Variants in AGAP1 observed in about 807,000 individuals in gnomAD.
AGAP1 encodes ArfGAP with GTPase domain, ankyrin repeat and PH domain 1.
A neutral mutation model predicts 105.3 loss-of-function variants in AGAP1; 29 were observed. The observed-to-expected ratio is 0.28, with a 90% CI of 0.21 to 0.38. The LOEUF is 0.38. Among genes scored for constraint, AGAP1 ranks in the 10% least tolerant of loss-of-function variants. The probability of loss-of-function intolerance (pLI) is 1.00; values close to 1 mark genes in which losing one functional copy is unlikely to be tolerated. For missense variants in AGAP1, 998 were observed against 1,165.1 expected (o/e 0.86, Z 2.09); for synonymous variants, 509 against 485.9 (o/e 1.05, Z -0.63).
intron 8 of AGAP1, among the ~76,000 whole-genome samples, chr2:235,804,202 C>T (rs1321261064): frequency 6.6e-6 from 1 of 152,186 alleles, no homozygotes; most frequent in Non-Finnish European, 1.5e-5. Context: ...TATCTGTGTC[C>T]ATGCTGTAAA....
At chr2:235,590,712 T>TGTGTGTGC (rs369129304) in intron 1 of AGAP1, among the ~76,000 whole-genome samples, 4,299 of 116,944 alleles carry the variant, frequency 0.037, 173 homozygotes, top group African/African-American at 0.087. Flanking sequence ...TGTGTGTGTG[T>TGTGTGTGC]GCATTTTTTT....
intron 9 of AGAP1, among the ~76,000 whole-genome samples, chr2:235,859,401 C>CA (rs1356585169): frequency 1.4e-4 from 12 of 84,162 alleles, no homozygotes; most frequent in Admixed American, 2.6e-4. Context: ...CCTCCCCCCC[C>CA]CCCCCCGCCT....
intron 9 of AGAP1, among the ~76,000 whole-genome samples, chr2:235,837,298 T>G (rs1237143299): frequency 6.6e-6 from 1 of 152,168 alleles, no homozygotes; most frequent in African/African-American, 2.4e-5. Flanking sequence ...AAGGGTTTTT[T>G]TTTGAAAGGT....
chr2:235,750,595 G>T lies in AGAP1; in HGVS notation c.673+107G>T. On this transcript the variant is annotated intron_variant, in intron 6 of 17. Transcript: ENST00000304032. The surrounding 1 kb of genome is among the most constrained non-coding windows in gnomAD (Gnocchi z 5.3). Reference sequence around the variant, plus strand: ...TGCATGTGGGTGGTGGAAATATGTCGTTGATGGGTGGGCATTAGTATCGAG... The same window carrying T: ...TGCATGTGGGTGGTGGAAATATGTCTTTGATGGGTGGGCATTAGTATCGAG... The T allele has an allele frequency of 6.6e-7, 1 of 1,516,672 alleles. No individual in the cohort carries two copies. The highest frequency in any genetic ancestry group is 1.2e-5 in the South Asian group (1 of 86,188). 94.0% of individuals were successfully genotyped at this position (1,516,672 alleles called of 1,614,324 possible).
Position 236,009,472 on chromosome 2 carries a change from G to GT in AGAP1, c.1646-27088dup, listed in dbSNP as rs2056436049. ...AGCAGAGACGCTCCCCTCTGCAACA[G>GT]TGACATTTATACTGATGGCGTCTTT... On this transcript the variant is annotated intron_variant, in intron 13 of 17. Coordinates refer to ENST00000304032, the MANE Select transcript of AGAP1 (RefSeq NM_001037131.3). The surrounding 1 kb of genome is among the most constrained non-coding windows in gnomAD (Gnocchi z 4.2). 6.6e-6 allele frequency among the ~76,000 whole-genome samples: 1 copy of GT among 152,226 alleles called. No individual in the cohort carries two copies. The highest frequency in any genetic ancestry group is 2.1e-4 in the South Asian group (1 of 4,832).
At chr2:235,932,856 G>T (rs932971036) in intron 12 of AGAP1, among the ~76,000 whole-genome samples, 1 of 152,226 alleles carries the variant, frequency 6.6e-6, no homozygotes, top group Non-Finnish European at 1.5e-5. Flanking sequence ...TCTTTCCATG[G>T]AAGTGGGCTG....
rs1488437655 is a variant in AGAP1 at position 236,030,527 on chromosome 2, A to G, written c.1646-6034A>G. 2.0e-5 allele frequency among the ~76,000 whole-genome samples: 3 copies of G among 152,294 alleles called. No homozygotes were observed. The East Asian group carries it at 5.8e-4, about 29-fold the overall frequency. Reference sequence around the variant, plus strand: ...GCTGGACCCTGGGTTTATGTTTCCTATCTTAGGACCTTATCTGTTGTGCTA... The same window carrying G: ...GCTGGACCCTGGGTTTATGTTTCCTGTCTTAGGACCTTATCTGTTGTGCTA... On this transcript the variant is annotated intron_variant, in intron 13 of 17. Transcript: ENST00000304032.
intron 13 of AGAP1, among the ~76,000 whole-genome samples, chr2:236,015,388 T>G (rs917707945): frequency 9.6e-5 from 2 of 20,868 alleles, no homozygotes; most frequent in Admixed American, 2.4e-4. Flanking sequence ...TGGGCTGCTA[T>G]TTGCTTGTAA....
chr2:235,672,506 A>G (rs1351387055), intron 1 of AGAP1, among the ~76,000 whole-genome samples: 2 of 152,224 alleles, frequency 1.3e-5, no homozygotes, highest in East Asian at 1.9e-4. Context: ...TTTAACTCCA[A>G]CCATTATCCC....
In AGAP1 at chr2:236,130,871, G is replaced by A. The variant is rs988206081; in HGVS notation, c.*6749G>A. On this transcript the variant is annotated 3_prime_UTR_variant, in exon 18 of 18. Coordinates refer to ENST00000304032, the MANE Select transcript of AGAP1 (RefSeq NM_001037131.3). The surrounding 1 kb of genome is among the most constrained non-coding windows in gnomAD (Gnocchi z 5.8). ...GGCTGGTCTGGGGAGTGGGTCTCAC[G>A]CACTGCTCAGGTTGGCACGAGGGAC... The A allele has an allele frequency of 2.6e-5, 4 of 152,306 alleles. No individual in the cohort carries two copies. Among genetic ancestry groups the A allele is most frequent in the Admixed American group, 6.5e-5 (1 of 15,280 alleles). The allele number at this position is 152,306 out of a possible 1,614,324, so 9.4% of individuals were successfully genotyped here.
At position 235,517,379 on chromosome 2, in the gene AGAP1, T is replaced by C. The variant is rs1295873340; in HGVS notation, c.163+22530T>C. Among the ~76,000 whole-genome samples, 1 of 152,158 alleles carries C rather than the reference T, an allele frequency of 6.6e-6. No individual in the cohort carries two copies. Among genetic ancestry groups the C allele is most frequent in the South Asian group, 2.1e-4 (1 of 4,826 alleles). On this transcript the variant is annotated intron_variant, in intron 1 of 17. Transcript: ENST00000304032. This position sits in a 1 kb window ranked among gnomAD's most constrained non-coding sequence, Gnocchi z 4.1. The stretch of plus-strand genomic sequence containing the variant: ...TCCCTCCCTGGTGGTTTCTGAGGAT[T>C]TGTCACTGATGTAGTAGCATCACGA...
chr2:235,653,413 G>A lies in AGAP1; in HGVS notation c.164-55766G>A, dbSNP rs188969857. On this transcript the variant is annotated intron_variant, in intron 1 of 17. Coordinates refer to ENST00000304032, the MANE Select transcript of AGAP1 (RefSeq NM_001037131.3). The stretch of plus-strand genomic sequence containing the variant: ...CGGGAGGCAGAGCTTGCAGTGAGCC[G>A]AGATAGCGCCACTGCATTCCAGCCT... 1.1e-4 allele frequency among the ~76,000 whole-genome samples: 16 copies of A among 152,164 alleles called. No homozygotes were observed. In the East Asian group the frequency reaches 1.2e-3, roughly 11 times the overall value.
At position 235,961,654 on chromosome 2, in the gene AGAP1, A is replaced by G. The variant is rs2054190348; in HGVS notation, c.1484-6808A>G. 6.6e-6 allele frequency among the ~76,000 whole-genome samples: 1 copy of G among 152,204 alleles called. No individual in the cohort carries two copies. The highest frequency in any genetic ancestry group is 2.1e-4 in the South Asian group (1 of 4,830). On this transcript the variant is annotated intron_variant, in intron 12 of 17. Transcript: ENST00000304032. The surrounding 1 kb of genome is among the most constrained non-coding windows in gnomAD (Gnocchi z 5.9). ...GCCGGGCGTGGTGGCTCATGCCTATAATCCCAGCACTTTGGGAGGCCAAGG... is the reference window on the plus strand; with the variant it reads ...GCCGGGCGTGGTGGCTCATGCCTATGATCCCAGCACTTTGGGAGGCCAAGG...
chr2:235,563,492 T>C (rs900563657), intron 1 of AGAP1, among the ~76,000 whole-genome samples: 1 of 151,248 alleles, frequency 6.6e-6, no homozygotes, highest in East Asian at 2.0e-4. Context: ...AGTAATGTGT[T>C]AATTGGATCC....
At chr2:235,748,254 G>A (rs1045602854) in intron 5 of AGAP1, among the ~76,000 whole-genome samples, 2 of 152,208 alleles carry the variant, frequency 1.3e-5, no homozygotes, top group Non-Finnish European at 2.9e-5. Context: ...GAAACCAAGC[G>A]AGCATGCCGC....
At chr2:235,823,405 G>A (rs986283760) in intron 9 of AGAP1, among the ~76,000 whole-genome samples, 6 of 152,078 alleles carry the variant, frequency 3.9e-5, no homozygotes, top group Non-Finnish European at 7.4e-5. Context: ...CGAGTAGCTG[G>A]GACTATGGGT....
chr2:235,707,008 C>T (rs1028712368), intron 1 of AGAP1, among the ~76,000 whole-genome samples: 7 of 152,262 alleles, frequency 4.6e-5, no homozygotes, highest in Non-Finnish European at 8.8e-5. Context: ...CACGCTAGTG[C>T]GTTCCTCGCA....
chr2:235,688,787 G>A (rs1281976101), intron 1 of AGAP1, among the ~76,000 whole-genome samples: 1 of 152,174 alleles, frequency 6.6e-6, no homozygotes, highest in Non-Finnish European at 1.5e-5. Context: ...GCTTGGAGGA[G>A]CAGGGGAGTC....
At chr2:235,939,222 C>G (rs1272931284) in intron 12 of AGAP1, among the ~76,000 whole-genome samples, 1 of 152,164 alleles carries the variant, frequency 6.6e-6, no homozygotes. Context: ...GCCTTCCTCT[C>G]CCTTGCCTGA....
Sources: allele counts gnomAD v4.1 joint callset (sites outside exome capture counted in the v4.1 genomes callset), GRCh38; gene constraint gnomAD v4.1.1; non-coding constraint Gnocchi (gnomAD v3.1); transcripts MANE v1.5; gene names NCBI Gene and HGNC (gene_info 2026-07-23, HGNC 2026-07-21).